The following MCL1 variants were observed in gnomAD, a reference collection of about 807,000 sequenced individuals.
MCL1 encodes induced myeloid leukemia cell differentiation protein Mcl-1.
Under a neutral mutation model 24.2 loss-of-function variants are expected in MCL1, and 4 were observed. The observed-to-expected ratio is 0.17, with a 90% CI of 0.08 to 0.38. MCL1 has a LOEUF of 0.38. MCL1 is among the 10% of genes least tolerant of loss of function. The probability of loss-of-function intolerance (pLI) is 1.00; values close to 1 mark genes in which losing one functional copy is unlikely to be tolerated. For synonymous variants in MCL1, 248 were observed against 214.0 expected (o/e 1.16, Z -1.39); for missense variants, 529 against 480.3 (o/e 1.10, Z -0.95).
At chr1:150,578,651 G>A (rs1197695868) in intron 1 of MCL1, 160 bp from the exon 2 acceptor site, 4 of 1,046,312 alleles carry the variant, frequency 3.8e-6, no homozygotes, top group Admixed American at 2.7e-5. Context: ...CTTTGAACAA[G>A]AGCTGCCATT....
rs1560315806 is a variant in MCL1, at chr1:150,578,360, C to T, written c.820G>A (p.Val274Met). The stretch of plus-strand genomic sequence containing the variant: ...TTTATGGTCTTCAAGTGTTTAGCCA[C>T]AAAGGCACCAAAAGAAATGAGAGTC... ...IVTLISFGAFVAKHLKTINQE... is the reference protein window; with the variant it reads ...IVTLISFGAFMAKHLKTINQE... The change falls in exon 2 of 3, where the codon GTG becomes ATG. Residue 274 changes from valine (V) to methionine (M), a missense_variant. By Grantham distance (21) the Val-to-Met change is conservative (BLOSUM62 1). Coordinates refer to ENST00000369026, the MANE Select transcript of MCL1 (RefSeq NM_021960.5). The T allele has an allele frequency of 6.2e-7, 1 of 1,614,098 alleles. No individual in the cohort carries two copies. Among genetic ancestry groups the T allele is most frequent in the South Asian group, 1.1e-5 (1 of 91,094 alleles).
intron 1 of MCL1, 75 bp from the exon 2 acceptor site, chr1:150,578,566 G>C: frequency 1.1e-5 from 18 of 1,570,044 alleles, no homozygotes; most frequent in Non-Finnish European, 1.4e-5. Context: ...GCCCACCCGC[G>C]GCGGGAAAAT....
At position 150,577,759 on chromosome 1, in the gene MCL1, G is replaced by A. The variant is rs368946245; in HGVS notation, c.937-268C>T. 2.4e-4 allele frequency among the ~76,000 whole-genome samples: 37 copies of A among 152,114 alleles called. 2 individuals are homozygous for A. The highest frequency in any genetic ancestry group is 1.5e-3 in the East Asian group (8 of 5,196). On this transcript the variant is annotated intron_variant, in intron 2 of 2. Coordinates refer to ENST00000369026, the MANE Select transcript of MCL1 (RefSeq NM_021960.5). The stretch of plus-strand genomic sequence containing the variant: ...AAAAGGACTTCCAGAGTTCCCATGA[G>A]GTAAAAGACGAAAACCCTTATTCTC...
chr1:150,578,860 T>C lies in MCL1; in HGVS notation c.671A>G (p.His224Arg). 1 of 1,612,570 alleles carries C rather than the reference T, an allele frequency of 6.2e-7. No homozygotes were observed. Among genetic ancestry groups the C allele is most frequent in the Non-Finnish European group, 8.5e-7 (1 of 1,178,968 alleles). The change falls in exon 1 of 3, where the codon CAC (histidine) becomes CGC (arginine). Residue 224 changes from histidine (H) to arginine (R), a missense_variant. His to Arg is a conservative substitution (Grantham distance 29). Transcript: ENST00000369026. ...CCCCTTACCTTGGAAGGCCGTCTCG[T>C]GGTTGCGCTGCACGCCATCCCCAAC... ...RRVGDGVQRN[H>R]ETAFQGMLRK...
At position 150,579,537 on chromosome 1, in the gene MCL1, T is replaced by TCGC. The variant is rs587689445; in HGVS notation, c.-10_-8dup. On this transcript the variant is annotated 5_prime_UTR_variant, in exon 1 of 3. Coordinates refer to ENST00000369026, the MANE Select transcript of MCL1 (RefSeq NM_021960.5). ...TTCTTTTGAGGCCAAACATTGCCAG[T>TCGC]CGCCGCCGCCGCCTGGCTGAGAAAA... 3.8e-5 allele frequency: 60 copies of TCGC among 1,592,080 alleles called. No individual in the cohort carries two copies. The highest frequency in any genetic ancestry group is 8.5e-5 in the Admixed American group (5 of 58,688).
chr1:150,578,771 C>A, intron 1 of MCL1, 72 bp downstream of exon 1: 19 of 1,516,852 alleles, frequency 1.3e-5, no homozygotes, highest in Non-Finnish European at 1.7e-5. Context: ...TTCCAACCCA[C>A]CCTTGGCGGG....
chr1:150,578,773 C>T lies in MCL1; in HGVS notation c.688+70G>A, dbSNP rs587673104. ...GACTCGTTTCGGTTTCCAACCCACC[C>T]TTGGCGGGTGAGTCCGGGGAGAGAT... On this transcript the variant is annotated intron_variant, in intron 1 of 2. Transcript: ENST00000369026. 1.2e-4 allele frequency: 188 copies of T among 1,521,754 alleles called. 1 individual carries two copies. In the South Asian group the frequency reaches 2.3e-3, roughly 19 times the overall value. 94.3% of individuals were successfully genotyped at this position (1,521,754 alleles called of 1,614,324 possible).
chr1:150,577,598 A>G, intron 2 of MCL1, 107 bp from the exon 3 acceptor site: 2 of 1,221,172 alleles, frequency 1.6e-6, no homozygotes, highest in Middle Eastern at 2.1e-4. Context: ...TTTCCCCCTA[A>G]AGCAATAGTA....
chr1:150,577,315 A>C lies in MCL1; in HGVS notation c.*60T>G. 12 of 1,591,836 alleles carry C rather than the reference A, an allele frequency of 7.5e-6. No homozygotes were observed. The highest frequency in any genetic ancestry group is 1.0e-5 in the Non-Finnish European group (12 of 1,170,130). ...GTTACAGCTTGGAGTCCAACTGCATAAACTGGTTTTGGTGGTGGTGGTGGT... is the reference window on the plus strand; with the variant it reads ...GTTACAGCTTGGAGTCCAACTGCATCAACTGGTTTTGGTGGTGGTGGTGGT... On this transcript the variant is annotated 3_prime_UTR_variant, in exon 3 of 3. Transcript: ENST00000369026.
In MCL1 at chr1:150,576,866, T is replaced by C. The variant is rs976799382; in HGVS notation, c.*509A>G. ...GAACACTTGGACTTTCTAAGAAGTA[T>C]ACTGGGAAAGCTAATTAGAGAGAGG... On this transcript the variant is annotated 3_prime_UTR_variant, in exon 3 of 3. Transcript: ENST00000369026. The C allele has an allele frequency of 4.3e-6, 1 of 233,554 alleles. No homozygotes were observed. Among genetic ancestry groups the C allele is most frequent in the Admixed American group, 5.6e-5 (1 of 17,846 alleles). 14.5% of individuals were successfully genotyped at this position (233,554 alleles called of 1,614,324 possible).
Position 150,578,383 on chromosome 1 carries a change from G to C in MCL1, c.797C>G (p.Thr266Ser). 1 of 1,614,226 alleles carries C rather than the reference G, an allele frequency of 6.2e-7. No homozygotes were observed. The highest frequency in any genetic ancestry group is 8.5e-7 in the Non-Finnish European group (1 of 1,180,044). The change falls in exon 2 of 3, where the codon ACT (threonine) becomes AGT (serine). Residue 266 changes from threonine (T) to serine (S), a missense_variant. Coordinates refer to ENST00000369026, the MANE Select transcript of MCL1 (RefSeq NM_021960.5). ...DGVTNWGRIV[T>S]LISFGAFVAK... The stretch of plus-strand genomic sequence containing the variant: ...CACAAAGGCACCAAAAGAAATGAGA[G>C]TCACAATCCTGCCCCAGTTTGTTAC...
At position 150,574,773 on chromosome 1, in the gene MCL1, GAC is replaced by G. The variant is rs1202541686; in HGVS notation, c.*2600_*2601del. On this transcript the variant is annotated 3_prime_UTR_variant, in exon 3 of 3. Coordinates refer to ENST00000369026, the MANE Select transcript of MCL1 (RefSeq NM_021960.5). ...ATGTTTTTCCCTGAGAGAAGCGTAA[GAC>G]AAACAGAAGTCAAAAAGTAGTCACT... 1 of 233,150 alleles carries G rather than the reference GAC, an allele frequency of 4.3e-6. No homozygotes were observed. Among genetic ancestry groups the G allele is most frequent in the Non-Finnish European group, 8.5e-6 (1 of 117,802 alleles). The allele number at this position is 233,150 out of a possible 1,614,324, so 14.4% of individuals were successfully genotyped here. A position where few individuals can be genotyped will look rare whatever the true frequency, so the allele number is the denominator to read the frequency against.
rs147150688 is a variant in MCL1, at chr1:150,579,051, T to A, written c.480A>T (p.Leu160=). 6.2e-6 allele frequency: 10 copies of A among 1,613,042 alleles called. No individual in the cohort carries two copies. Among genetic ancestry groups the A allele is most frequent in the Non-Finnish European group, 8.5e-6 (10 of 1,179,986 alleles). Residue 160 remains leucine, a synonymous_variant, in exon 1 of 3, where the codon CTA becomes CTT. Transcript: ENST00000369026. The part of the protein sequence containing the change: ...SGNNTSTDGS[L]PSTPPPAEEE... ...CCTCTGCTGGCGGCGGCGTCGAGGGTAGTGACCCGTCCGTACTGGTGTTAT... is the reference window on the plus strand; with the variant it reads ...CCTCTGCTGGCGGCGGCGTCGAGGGAAGTGACCCGTCCGTACTGGTGTTAT...
In MCL1 at chr1:150,579,305, C is replaced by A. The variant is rs763922820; in HGVS notation, c.226G>T (p.Val76Phe). The stretch of plus-strand genomic sequence containing the variant: ...GCGCCAATGGGCGGCGGCCGCGCGA[C>A]CCTCCGGGAGTCTGGCGTGAGGGTG... ...PSTLTPDSRRVARPPPIGAEV... is the reference protein window; with the variant it reads ...PSTLTPDSRRFARPPPIGAEV... Residue 76 changes from valine (V) to phenylalanine (F), a missense_variant, in exon 1 of 3, where the codon GTC (valine) becomes TTC (phenylalanine). By Grantham distance (50) the Val-to-Phe change is conservative. Coordinates refer to ENST00000369026, the MANE Select transcript of MCL1 (RefSeq NM_021960.5). 6.8e-7 allele frequency: 1 copy of A among 1,480,448 alleles called. No individual in the cohort carries two copies. Among genetic ancestry groups the A allele is most frequent in the Admixed American group, 2.7e-5 (1 of 37,488 alleles). The allele number at this position is 1,480,448 out of a possible 1,614,324, so 91.7% of individuals were successfully genotyped here.
chr1:150,578,214 A>T, intron 2 of MCL1, 30 bp downstream of exon 2: 1 of 1,599,900 alleles, frequency 6.3e-7, no homozygotes, highest in Non-Finnish European at 8.5e-7. Flanking sequence ...TTCCACTCCA[A>T]GGCCCCTTTC....
Position 150,579,379 on chromosome 1 carries a change from C to T in MCL1, c.152G>A (p.Gly51Glu). ...EASARREIGG[G>E]EAGAVIGGSA... ...TCCGCCAATCACCGCGCCGGCCTCC[C>T]CTCCCCCTATCTCTCGCCGGGCCGA... Residue 51 changes from glycine (G) to glutamate (E), a missense_variant, in exon 1 of 3, where the codon GGG becomes GAG. By Grantham distance (98) the Gly-to-Glu change is moderately conservative. Coordinates refer to ENST00000369026, the MANE Select transcript of MCL1 (RefSeq NM_021960.5). 6.6e-7 allele frequency: 1 copy of T among 1,523,716 alleles called. No homozygotes were observed. The highest frequency in any genetic ancestry group is 1.2e-5 in the South Asian group (1 of 80,468). The allele number at this position is 1,523,716 out of a possible 1,614,324, so 94.4% of individuals were successfully genotyped here. A position where few individuals can be genotyped will look rare whatever the true frequency, so the allele number is the denominator to read the frequency against.
Position 150,579,224 on chromosome 1 carries a change from G to A in MCL1, c.307C>T (p.Arg103Cys), listed in dbSNP as rs773052989. The change falls in exon 1 of 3, where the codon CGC becomes TGC. Residue 103 changes from arginine to cysteine, a missense_variant. By Grantham distance (180) the Arg-to-Cys change is radical (BLOSUM62 -3). Coordinates refer to ENST00000369026, the MANE Select transcript of MCL1 (RefSeq NM_021960.5). Reference protein sequence around the residue: ...PARLLFFAPTRRAAPLEEMEA... With the variant: ...PARLLFFAPTCRAAPLEEMEA... The stretch of plus-strand genomic sequence containing the variant: ...ATCTCCTCAAGCGGCGCCGCGCGGC[G>A]GGTGGGCGCGAAGAAAAGCAGCCTC... The A allele has an allele frequency of 4.9e-5, 77 of 1,564,524 alleles. No homozygotes were observed. The highest frequency in any genetic ancestry group is 6.4e-5 in the Non-Finnish European group (74 of 1,160,216).
In MCL1 at chr1:150,579,009, C is replaced by A; in HGVS notation, c.522G>T (p.Leu174Phe). 1.2e-6 allele frequency: 2 copies of A among 1,613,676 alleles called. No homozygotes were observed. The highest frequency in any genetic ancestry group is 1.7e-6 in the Non-Finnish European group (2 of 1,180,036). Residue 174 changes from leucine to phenylalanine, a missense_variant, in exon 1 of 3, where the codon TTG (leucine) becomes TTT (phenylalanine). Physicochemically the swap from Leu to Phe is conservative, Grantham distance 22 (BLOSUM62 0). Transcript: ENST00000369026. Reference sequence around the variant, plus strand: ...AGATAATCTCCAGCGACTGCCGGTACAACTCGTCCTCCTCCTCCTCTGCTG... The same window carrying A: ...AGATAATCTCCAGCGACTGCCGGTAAAACTCGTCCTCCTCCTCCTCTGCTG... ...PPPAEEEEDE[L>F]YRQSLEIISR...
In MCL1 at chr1:150,579,555, TGAGAA is replaced by T; in HGVS notation, c.-30_-26del. On this transcript the variant is annotated 5_prime_UTR_variant, in exon 1 of 3. Transcript: ENST00000369026. The stretch of plus-strand genomic sequence containing the variant: ...TTGCCAGTCGCCGCCGCCGCCTGGC[TGAGAA>T]AACTGGGGAAGACCCCGACTCCTTA... 2 of 1,583,508 alleles carry T rather than the reference TGAGAA, an allele frequency of 1.3e-6. No individual in the cohort carries two copies. Among genetic ancestry groups the T allele is most frequent in the Non-Finnish European group, 8.6e-7 (1 of 1,166,580 alleles).
Sources: gnomAD v4.1 joint callset for allele counts (sites outside exome capture counted in the v4.1 genomes callset) on GRCh38, gnomAD v4.1.1 for gene constraint, MANE v1.5 for transcripts, NCBI Gene and HGNC (gene_info 2026-07-23, HGNC 2026-07-21) for gene names.